CFDP1: variants seen among roughly 807,000 people sequenced by gnomAD.
The protein encoded by CFDP1 is heterochromatin-stabilizing protein CFDP1.
CFDP1 carries 31 observed loss-of-function variants against 40.1 expected under a neutral mutation model. The observed-to-expected ratio is 0.77, with a 90% CI of 0.58 to 1.04. The LOEUF (loss-of-function observed/expected upper bound fraction) is 1.04. CFDP1 is among the 50% of genes least tolerant of loss of function. The pLI, the probability that CFDP1 is intolerant of heterozygous loss-of-function variation, is 0.00. For missense variants in CFDP1, 423 were observed against 343.4 expected (o/e 1.23, Z -1.83); for synonymous variants, 167 against 120.0 (o/e 1.39, Z -2.56).
intron 6 of CFDP1, among the ~76,000 whole-genome samples, chr16:75,300,708 T>C (rs1282166245): frequency 2.0e-5 from 3 of 152,178 alleles, no homozygotes; most frequent in African/African-American, 7.2e-5. Context: ...AAGTTTGATG[T>C]GTCTTGGACA....
At chr16:75,405,551 C>T (rs888377790) in intron 4 of CFDP1, among the ~76,000 whole-genome samples, 2 of 151,834 alleles carry the variant, frequency 1.3e-5, no homozygotes, top group Non-Finnish European at 2.9e-5. Context: ...AGTTCCAGAC[C>T]AGCCTGACCA....
At chr16:75,298,276 ACC>A (rs2078198017) in intron 6 of CFDP1, among the ~76,000 whole-genome samples, 1 of 152,176 alleles carries the variant, frequency 6.6e-6, no homozygotes, top group Non-Finnish European at 1.5e-5. Context: ...GGGATATTCA[ACC>A]TGTATCTGGG....
intron 5 of CFDP1, among the ~76,000 whole-genome samples, chr16:75,306,894 C>T (rs1238880649): frequency 6.9e-6 from 1 of 144,428 alleles, no homozygotes; most frequent in Non-Finnish European, 1.5e-5. Context: ...CACACACACA[C>T]ACACACACGC....
chr16:75,428,495 G>GC (rs1878018586), intron 1 of CFDP1, among the ~76,000 whole-genome samples: 1 of 151,970 alleles, frequency 6.6e-6, no homozygotes, highest in Non-Finnish European at 1.5e-5. Flanking sequence ...GCACGCGCCT[G>GC]TATCCCAGCT....
At chr16:75,305,379 A>G in intron 5 of CFDP1, 197 bp from the exon 6 acceptor site, 1 of 576,820 alleles carries the variant, frequency 1.7e-6, no homozygotes, top group Admixed American at 3.0e-5. Flanking sequence ...TTTCCTGCTT[A>G]ACACCACTGT....
chr16:75,321,615 A>T (rs1349922493), intron 5 of CFDP1, among the ~76,000 whole-genome samples: 1 of 152,134 alleles, frequency 6.6e-6, no homozygotes, highest in Non-Finnish European at 1.5e-5. Flanking sequence ...GCCTCTAGTG[A>T]TAAGCGGAAA....
intron 1 of CFDP1, among the ~76,000 whole-genome samples, chr16:75,418,813 G>C (rs116454518): frequency 6.6e-6 from 1 of 151,472 alleles, no homozygotes; most frequent in East Asian, 1.9e-4. Flanking sequence ...TCTGTGCCAG[G>C]AAGTCAGGAA....
chr16:75,385,690 C>A (rs920211140), intron 5 of CFDP1, among the ~76,000 whole-genome samples: 1 of 152,156 alleles, frequency 6.6e-6, no homozygotes, highest in Non-Finnish European at 1.5e-5. Flanking sequence ...TGGGATCTTG[C>A]CAAAGACGAG....
At chr16:75,401,110 T>C (rs1372896722) in intron 4 of CFDP1, among the ~76,000 whole-genome samples, 2 of 151,270 alleles carry the variant, frequency 1.3e-5, no homozygotes, top group South Asian at 2.1e-4. Context: ...CCTGGCAACA[T>C]GGTGAAACCC....
chr16:75,400,087 G>A lies in CFDP1; in HGVS notation c.531-4878C>T, dbSNP rs1043072243. Among the ~76,000 whole-genome samples, 7 of 108,746 alleles carry A rather than the reference G, an allele frequency of 6.4e-5. No individual in the cohort carries two copies. In the East Asian group the frequency reaches 1.8e-3, roughly 28 times the overall value. 71.3% of individuals were successfully genotyped at this position (108,746 alleles called of 152,430 possible). A position where few individuals can be genotyped will look rare whatever the true frequency, so the allele number is the denominator to read the frequency against. On this transcript the variant is annotated intron_variant, in intron 4 of 6. Transcript: ENST00000283882. The stretch of plus-strand genomic sequence containing the variant: ...TTGCACTCCAGCCTGGGCAACAAGA[G>A]CAAAACTCCATCTCAAAAAAAAAAA...
At chr16:75,362,137 G>C (rs773351927) in intron 5 of CFDP1, among the ~76,000 whole-genome samples, 2 of 152,186 alleles carry the variant, frequency 1.3e-5, no homozygotes, top group African/African-American at 4.8e-5. Flanking sequence ...AGTCAGACGG[G>C]ACAGTCCTGG....
intron 5 of CFDP1, among the ~76,000 whole-genome samples, chr16:75,351,425 A>C (rs921350724): frequency 2.0e-5 from 3 of 152,194 alleles, no homozygotes; most frequent in African/African-American, 7.2e-5. Flanking sequence ...AGGGGCCTGG[A>C]ATGTTTTGTT....
rs74581773 is a variant in CFDP1 at position 75,293,844 on chromosome 16, G to A, written c.*108C>T. The A allele has an allele frequency of 6.1e-6, 5 of 815,962 alleles. No homozygotes were observed. Among genetic ancestry groups the A allele is most frequent in the South Asian group, 3.6e-5 (2 of 56,080 alleles). 50.5% of individuals were successfully genotyped at this position (815,962 alleles called of 1,614,324 possible). A position where few individuals can be genotyped will look rare whatever the true frequency, so the allele number is the denominator to read the frequency against. On this transcript the variant is annotated 3_prime_UTR_variant, in exon 7 of 7. Coordinates refer to ENST00000283882, the MANE Select transcript of CFDP1 (RefSeq NM_006324.3). ...AGAACTTCAATGTAGAAAAAAAAAA[G>A]ACCTTGCTGGGAAACAGATGATGAG...
intron 1 of CFDP1, among the ~76,000 whole-genome samples, chr16:75,416,469 A>C (rs2079206846): frequency 6.6e-6 from 1 of 151,834 alleles, no homozygotes; most frequent in Non-Finnish European, 1.5e-5. Context: ...AGATTTAAAA[A>C]AAAAAAAAAA....
At chr16:75,347,343 C>CAAAAAAAAAAAA (rs762900031) in intron 5 of CFDP1, among the ~76,000 whole-genome samples, 88 of 91,514 alleles carry the variant, frequency 9.6e-4, no homozygotes, top group East Asian at 1.6e-3. Context: ...GACTCCATCT[C>CAAAAAAAAAAAA]AAAAAAAAAA....
intron 5 of CFDP1, among the ~76,000 whole-genome samples, chr16:75,319,644 A>C (rs2078348631): frequency 6.6e-6 from 1 of 152,104 alleles, no homozygotes; most frequent in African/African-American, 2.4e-5. Context: ...ACTAATATCA[A>C]TGGGAAAACT....
At chr16:75,349,650 CAAAAAAAAAAAAAAAAAAAAA>C (rs61472076) in intron 5 of CFDP1, among the ~76,000 whole-genome samples, 32 of 23,236 alleles carry the variant, frequency 1.4e-3, no homozygotes, top group East Asian at 2.0e-3. Context: ...GACTCCGTCT[CAAAAAAAAAAAAAAAAAAAAA>C]AAAAAAAAAA....
chr16:75,326,973 T>C (rs1431213051), intron 5 of CFDP1, among the ~76,000 whole-genome samples: 2 of 152,198 alleles, frequency 1.3e-5, no homozygotes, highest in African/African-American at 4.8e-5. Context: ...GGATGAGTTC[T>C]ATCAAAACGG....
chr16:75,395,129 T>C lies in CFDP1; in HGVS notation c.611A>G (p.Asn204Ser). The change falls in exon 5 of 7, where the codon AAT (asparagine) becomes AGT (serine). Residue 204 changes from asparagine to serine, a missense_variant. By Grantham distance (46) the Asn-to-Ser change is conservative. Coordinates refer to ENST00000283882, the MANE Select transcript of CFDP1 (RefSeq NM_006324.3). ...GAGTGATGGCAGAGCTGAAGGAACATTAGCCTGTGGTTTTTCTTTCTCATT... is the reference window on the plus strand; with the variant it reads ...GAGTGATGGCAGAGCTGAAGGAACACTAGCCTGTGGTTTTTCTTTCTCATT... ...KQNEKEKPQA[N>S]VPSALPSLPA... 4 of 1,613,932 alleles carry C rather than the reference T, an allele frequency of 2.5e-6. No individual in the cohort carries two copies. The highest frequency in any genetic ancestry group is 3.4e-6 in the Non-Finnish European group (4 of 1,179,904).
Sources: allele counts gnomAD v4.1 joint callset (sites outside exome capture counted in the v4.1 genomes callset), GRCh38; gene constraint gnomAD v4.1.1; transcripts MANE v1.5; gene names NCBI Gene and HGNC (gene_info 2026-07-23, HGNC 2026-07-21).